Variants in DSE observed in about 807,000 individuals in gnomAD.
The protein encoded by DSE is dermatan-sulfate epimerase.
Under a neutral mutation model 84.4 loss-of-function variants are expected in DSE, and 36 were observed. The ratio of observed to expected loss-of-function variants is 0.43; its 90% CI spans 0.33 to 0.56. The LOEUF is 0.56. Ranked by LOEUF, DSE falls within the 20% of genes least tolerant of loss-of-function variation. DSE has a pLI of 0.06. For missense variants in DSE, 862 were observed against 1,169.6 expected (o/e 0.74, Z 3.84); for synonymous variants, 410 against 430.1 (o/e 0.95, Z 0.58).
intron 2 of DSE, among the ~76,000 whole-genome samples, chr6:116,336,482 G>A (rs977870620): frequency 5.9e-5 from 9 of 152,164 alleles, no homozygotes; most frequent in African/African-American, 9.7e-5. Context: ...TAGGCCGGGC[G>A]CAGTGGCTCA....
At position 116,322,547 on chromosome 6, in the gene DSE, G is replaced by A. The variant is rs73767740; in HGVS notation, c.-54+63580G>A. 2.6e-3 allele frequency among the ~76,000 whole-genome samples: 330 copies of A among 128,472 alleles called. 2 individuals carry two copies. The highest frequency in any genetic ancestry group is 9.7e-3 in the African/African-American group (324 of 33,442). The allele number at this position is 128,472 out of a possible 152,430, so 84.3% of individuals were successfully genotyped here. On this transcript the variant is annotated intron_variant, in intron 2 of 3. Transcript: ENST00000430252. ...CCCCACCATCCCCAAAATTACTTCT[G>A]CCCCCCCACCCCAATTAAATAAGAT...
At chr6:116,265,707 G>A (rs541094542) in intron 2 of DSE, among the ~76,000 whole-genome samples, 6 of 152,210 alleles carry the variant, frequency 3.9e-5, no homozygotes, top group African/African-American at 1.4e-4. Context: ...CCCCAGGAGA[G>A]GCCAGCAAAT....
At chr6:116,309,027 A>G (rs1775510188) in intron 2 of DSE, among the ~76,000 whole-genome samples, 1 of 152,254 alleles carries the variant, frequency 6.6e-6, no homozygotes, top group Non-Finnish European at 1.5e-5. Context: ...AAGAGGACAA[A>G]TAAGATCAAT....
At chr6:116,296,878 G>A (rs1197476670) in intron 2 of DSE, among the ~76,000 whole-genome samples, 2 of 152,072 alleles carry the variant, frequency 1.3e-5, no homozygotes, top group African/African-American at 4.8e-5. Context: ...TTGAATTTTT[G>A]GTAGGGTGGA....
intron 2 of DSE, among the ~76,000 whole-genome samples, chr6:116,306,627 T>C (rs1285581030): frequency 6.6e-6 from 1 of 152,208 alleles, no homozygotes; most frequent in African/African-American, 2.4e-5. Context: ...GCTTCTATAA[T>C]ACCCTTCTCT....
At chr6:116,294,066 C>T (rs2114682321) in intron 2 of DSE, among the ~76,000 whole-genome samples, 2 of 151,862 alleles carry the variant, frequency 1.3e-5, no homozygotes, top group South Asian at 4.2e-4. Flanking sequence ...CTCTGTCACC[C>T]AGGCTGGAGT....
chr6:116,294,330 A>G (rs1774517634), intron 2 of DSE, among the ~76,000 whole-genome samples: 1 of 152,164 alleles, frequency 6.6e-6, no homozygotes, highest in Non-Finnish European at 1.5e-5. Context: ...GCCAAAAATG[A>G]TTTTATATGG....
chr6:116,349,971 T>C (rs990120540), intron 2 of DSE, among the ~76,000 whole-genome samples: 1 of 152,224 alleles, frequency 6.6e-6, no homozygotes, highest in African/African-American at 2.4e-5. Context: ...GCTCACCACT[T>C]ACTACCTTTA....
chr6:116,308,317 G>A (rs577862333), intron 2 of DSE, among the ~76,000 whole-genome samples: 19 of 152,144 alleles, frequency 1.2e-4, no homozygotes, highest in Middle Eastern at 3.4e-3. Flanking sequence ...TTTTAAGCTC[G>A]GCTTCAATCT....
intron 2 of DSE, among the ~76,000 whole-genome samples, chr6:116,328,225 A>G (rs1332707635): frequency 2.0e-5 from 3 of 152,228 alleles, no homozygotes; most frequent in Non-Finnish European, 4.4e-5. Flanking sequence ...GTTAGGGGAG[A>G]GTCTGATTGT....
intron 2 of DSE, among the ~76,000 whole-genome samples, chr6:116,286,142 T>C (rs900353700): frequency 6.6e-6 from 1 of 152,146 alleles, no homozygotes; most frequent in African/African-American, 2.4e-5. Context: ...ATTGATTCTT[T>C]CTATCCATGA....
intron 2 of DSE, among the ~76,000 whole-genome samples, chr6:116,418,894 A>G (rs1436502210): frequency 2.6e-5 from 4 of 152,308 alleles, no homozygotes; most frequent in Admixed American, 6.5e-5. Context: ...TAAAATGGGG[A>G]CGGAATACCT....
At position 116,380,791 on chromosome 6, in the gene DSE, T is replaced by C. The variant is rs150178386; in HGVS notation, c.-54+9670T>C. 6.6e-5 allele frequency among the ~76,000 whole-genome samples: 10 copies of C among 152,320 alleles called. No individual in the cohort carries two copies. The East Asian group carries it at 1.9e-3, about 29-fold the overall frequency. On this transcript the variant is annotated intron_variant, in intron 1 of 5. Transcript: ENST00000644252. ...ATACAGAGAGGACTGAAATAATAAA[T>C]GTGAGACAGGAAGATAACATGTATA... is the stretch of plus-strand genomic sequence containing the variant.
intron 1 of DSE, among the ~76,000 whole-genome samples, chr6:116,383,782 CCTGTG>C (rs1174116742): frequency 6.6e-6 from 1 of 152,124 alleles, no homozygotes; most frequent in Non-Finnish European, 1.5e-5. Flanking sequence ...TGTTATTTGT[CCTGTG>C]TATCCATGGC....
At chr6:116,316,472 A>G (rs1237094298) in intron 2 of DSE, among the ~76,000 whole-genome samples, 5 of 152,142 alleles carry the variant, frequency 3.3e-5, no homozygotes, top group Non-Finnish European at 5.9e-5. Context: ...CCTTTCAGAC[A>G]TTGGTATTTA....
At chr6:116,310,590 C>T (rs759847419) in intron 2 of DSE, among the ~76,000 whole-genome samples, 1 of 152,138 alleles carries the variant, frequency 6.6e-6, no homozygotes, top group African/African-American at 2.4e-5. Context: ...TCCTTCATTT[C>T]CCTCTTTTTC....
chr6:116,281,290 C>G (rs927810054), intron 2 of DSE, among the ~76,000 whole-genome samples: 3 of 152,154 alleles, frequency 2.0e-5, no homozygotes, highest in Non-Finnish European at 4.4e-5. Context: ...AGATTCAATC[C>G]TAGAGCCTCC....
chr6:116,303,751 C>A (rs981530888), intron 2 of DSE, among the ~76,000 whole-genome samples: 1 of 152,024 alleles, frequency 6.6e-6, no homozygotes, highest in African/African-American at 2.4e-5. Context: ...AAAACCATAT[C>A]CTGAAGAATG....
chr6:116,341,474 T>C (rs1203249356), intron 2 of DSE, among the ~76,000 whole-genome samples: 1 of 152,202 alleles, frequency 6.6e-6, no homozygotes. Flanking sequence ...AGAAGCTCTT[T>C]AGTTTAATTA....
Sources: allele counts gnomAD v4.1 joint callset (sites outside exome capture counted in the v4.1 genomes callset), GRCh38; gene constraint gnomAD v4.1.1; transcripts MANE v1.5; gene names NCBI Gene and HGNC (gene_info 2026-07-23, HGNC 2026-07-21).